The following PLBD2 variants were observed in gnomAD, a reference collection of about 807,000 sequenced individuals.
PLBD2 encodes the protein putative aminopeptidase PLBD2.
A neutral mutation model predicts 68.3 loss-of-function variants in PLBD2; 51 were observed. The observed-to-expected ratio is 0.75, with a 90% confidence interval of 0.60 to 0.94. The LOEUF (loss-of-function observed/expected upper bound fraction) is 0.94. PLBD2 is among the 40% of genes least tolerant of loss of function. The pLI, the probability that PLBD2 is intolerant of heterozygous loss-of-function variation, is 0.00. For missense variants in PLBD2, 729 were observed against 792.2 expected (o/e 0.92, Z 0.96); for synonymous variants, 314 against 339.3 (o/e 0.93, Z 0.82).
At chr12:113,380,651 C>A in intron 5 of PLBD2, 94 bp from the exon 6 acceptor site, 1 of 990,298 alleles carries the variant, frequency 1.0e-6, no homozygotes, top group Non-Finnish European at 1.5e-6. Flanking sequence ...GGAGGCCTGC[C>A]TGTGCCCCTG....
Position 113,359,949 on chromosome 12 carries a change from C to A in PLBD2, c.290+1059C>A, listed in dbSNP as rs141437658. Among the ~76,000 whole-genome samples the A allele has an allele frequency of 4.2e-3, 640 of 152,234 alleles. 1 individual carries two copies. The highest frequency in any genetic ancestry group is 5.3e-3 in the Non-Finnish European group (359 of 67,982). On this transcript the variant is annotated intron_variant, in intron 1 of 11. Transcript: ENST00000280800. ...CTAGTGTCCAGATGATGCTAGGGAA[C>A]CCTAGCACTAGGATGTGCCCAGGAT...
intron 5 of PLBD2, among the ~76,000 whole-genome samples, chr12:113,377,338 A>AT (rs1957444805): frequency 6.6e-6 from 1 of 152,182 alleles, no homozygotes; most frequent in African/African-American, 2.4e-5. Flanking sequence ...GAAACAGAAC[A>AT]TTCCCAGCCC....
At chr12:113,378,999 A>C (rs1203267550) in intron 5 of PLBD2, among the ~76,000 whole-genome samples, 1 of 152,148 alleles carries the variant, frequency 6.6e-6, no homozygotes, top group African/African-American at 2.4e-5. Flanking sequence ...TTTAAAGTGC[A>C]AAGACTTAAT....
intron 2 of PLBD2, among the ~76,000 whole-genome samples, chr12:113,370,185 C>G (rs1957376231): frequency 6.6e-6 from 1 of 151,918 alleles, no homozygotes; most frequent in African/African-American, 2.4e-5. Context: ...CAGGTGTGAG[C>G]CACTGTGCCT....
chr12:113,390,396 A>G lies in PLBD2; in HGVS notation c.*1770A>G, dbSNP rs1377636693. The G allele has an allele frequency of 1.3e-5, 2 of 151,416 alleles. No homozygotes were observed. Among genetic ancestry groups the G allele is most frequent in the Non-Finnish European group, 2.9e-5 (2 of 67,916 alleles). The allele number at this position is 151,416 out of a possible 1,614,324, so 9.4% of individuals were successfully genotyped here. Reference sequence around the variant, plus strand: ...ATTTTCATCTGTTCATTTTCCATCCATCTACCCGTCCACCCATTCACTCCT... The same window carrying G: ...ATTTTCATCTGTTCATTTTCCATCCGTCTACCCGTCCACCCATTCACTCCT... On this transcript the variant is annotated 3_prime_UTR_variant, in exon 12 of 12. Transcript: ENST00000280800.
At chr12:113,380,625 C>T in intron 5 of PLBD2, 120 bp from the exon 6 acceptor site, 1 of 724,586 alleles carries the variant, frequency 1.4e-6, no homozygotes. Context: ...AAAAAGGACA[C>T]AGTGGGGGCT....
In PLBD2 at chr12:113,385,275, C is replaced by T. The variant is rs764271250; in HGVS notation, c.1278C>T (p.Tyr426=). The T allele has an allele frequency of 1.9e-6, 3 of 1,614,150 alleles. No individual in the cohort carries two copies. The highest frequency in any genetic ancestry group is 4.5e-5 in the East Asian group (2 of 44,878). Reference sequence around the variant, plus strand: ...ACCAGAAGACCTACTGGGCCAGCTACAACATACCGTGCGTGCCTTCTCACT... The same window carrying T: ...ACCAGAAGACCTACTGGGCCAGCTATAACATACCGTGCGTGCCTTCTCACT... ...ELYQKTYWAS[Y]NIPSFETVFN... The change falls in exon 9 of 12, where the codon TAC becomes TAT. Residue 426 remains tyrosine, a synonymous_variant. Transcript: ENST00000280800.
chr12:113,374,737 A>T, intron 4 of PLBD2, 56 bp from the exon 5 acceptor site: 1 of 1,576,602 alleles, frequency 6.3e-7, no homozygotes, highest in Non-Finnish European at 8.7e-7. Context: ...CAAAATGAGT[A>T]CATAACAGCA....
intron 2 of PLBD2, 102 bp downstream of exon 2, chr12:113,369,311 C>T: frequency 1.3e-6 from 1 of 774,056 alleles, no homozygotes; most frequent in South Asian, 2.9e-5. Flanking sequence ...GCCCCCAACT[C>T]CTGCCACAGC....
chr12:113,385,737 G>A (rs567761260), intron 9 of PLBD2, among the ~76,000 whole-genome samples: 1 of 152,334 alleles, frequency 6.6e-6, no homozygotes, highest in South Asian at 2.1e-4. Flanking sequence ...GGCGAATGGT[G>A]AAGGCAGGAT....
At chr12:113,382,835 T>TTTGTGTGTGTGTG (rs1335785271) in intron 6 of PLBD2, among the ~76,000 whole-genome samples, 5 of 106,534 alleles carry the variant, frequency 4.7e-5, no homozygotes, top group African/African-American at 1.9e-4. Flanking sequence ...TGGTGGTTTT[T>TTTGTGTGTGTGTG]TGTGTGTGTG....
intron 2 of PLBD2, among the ~76,000 whole-genome samples, chr12:113,371,886 C>T (rs1305122891): frequency 6.6e-6 from 1 of 152,220 alleles, no homozygotes; most frequent in Non-Finnish European, 1.5e-5. Flanking sequence ...CCCCCTCTAG[C>T]CTGTGGCCTT....
Position 113,384,793 on chromosome 12 carries a change from G to A in PLBD2, c.1119-58G>A. 5.5e-6 allele frequency: 8 copies of A among 1,454,868 alleles called. No homozygotes were observed. The highest frequency in any genetic ancestry group is 7.7e-6 in the Non-Finnish European group (8 of 1,041,122). 90.1% of individuals were successfully genotyped at this position (1,454,868 alleles called of 1,614,324 possible). On this transcript the variant is annotated intron_variant, in intron 7 of 11. Coordinates refer to ENST00000280800, the MANE Select transcript of PLBD2 (RefSeq NM_173542.4). This position sits in a 1 kb window ranked among gnomAD's most constrained non-coding sequence, Gnocchi z 4.2. ...AGCTGAGTGGGACACTGCAGGGTGG[G>A]GAAAGCTGGGGAGGTGGCTCCAGGC...
At chr12:113,371,865 C>T in intron 2 of PLBD2, among the ~76,000 whole-genome samples, 1 of 152,206 alleles carries the variant, frequency 6.6e-6, no homozygotes, top group Non-Finnish European at 1.5e-5. Context: ...AACTAGTGTG[C>T]CCTGCTGCCT....
At chr12:113,380,616 A>G in intron 5 of PLBD2, 129 bp from the exon 6 acceptor site, 1 of 680,042 alleles carries the variant, frequency 1.5e-6, no homozygotes, top group Non-Finnish European at 2.5e-6. Flanking sequence ...CTAAATGACA[A>G]AAAGGACACA....
chr12:113,380,484 G>C (rs1197582255), intron 5 of PLBD2, among the ~76,000 whole-genome samples: 1 of 152,192 alleles, frequency 6.6e-6, no homozygotes, highest in African/African-American at 2.4e-5. Flanking sequence ...TTGGTCCCCA[G>C]TCGATTGAAT....
Position 113,387,720 on chromosome 12 carries a change from T to C in PLBD2, c.1440-24T>C, listed in dbSNP as rs778194896. 5.6e-6 allele frequency: 9 copies of C among 1,608,330 alleles called. No individual in the cohort carries two copies. The South Asian group carries it at 9.9e-5, about 18-fold the overall frequency. ...AGCCTCTCCTTCCTGGGATGACTGA[T>C]GTTCCCTCCTTTTCCCCATCCAGGT... On this transcript the variant is annotated intron_variant, in intron 10 of 11. Transcript: ENST00000280800.
intron 5 of PLBD2, among the ~76,000 whole-genome samples, chr12:113,378,722 G>A (rs1351853089): frequency 7.0e-6 from 1 of 143,086 alleles, no homozygotes; most frequent in Non-Finnish European, 1.5e-5. Context: ...GTCTCACTCT[G>A]TTGCCCAGGC....
intron 6 of PLBD2, among the ~76,000 whole-genome samples, chr12:113,383,538 C>G (rs76863133): frequency 0.077 from 11,618 of 151,848 alleles, 696 homozygotes; most frequent in African/African-American, 0.16. Context: ...GGGTTCAAGT[C>G]ATTCTCCTGC....
Sources: allele counts gnomAD v4.1 joint callset (sites outside exome capture counted in the v4.1 genomes callset), GRCh38; gene constraint gnomAD v4.1.1; non-coding constraint Gnocchi (gnomAD v3.1); transcripts MANE v1.5; gene names NCBI Gene and HGNC (gene_info 2026-07-23, HGNC 2026-07-21).